The following RFX7 variants were observed in gnomAD, a reference collection of about 807,000 sequenced individuals.
The protein encoded by RFX7 is DNA-binding protein RFX7.
In RFX7, 26 loss-of-function variants were observed where a neutral mutation model predicts 111.8. The ratio of observed to expected loss-of-function variants is 0.23; its 90% CI spans 0.17 to 0.32. The LOEUF (loss-of-function observed/expected upper bound fraction) is 0.32. Ranked by LOEUF, RFX7 falls within the 10% of genes least tolerant of loss-of-function variation. The pLI, the probability that RFX7 is intolerant of heterozygous loss-of-function variation, is 1.00. For missense variants in RFX7, 1,573 were observed against 1,772.9 expected, an observed-to-expected ratio of 0.89 and a Z score of 2.02; for synonymous variants, 624 against 624.4, an observed-to-expected ratio of 1.00 and a Z score of 0.01.
upstream of RFX7, among the ~76,000 whole-genome samples, chr15:56,244,801 C>G (rs1462054665): frequency 6.6e-6 from 1 of 151,888 alleles, no homozygotes; most frequent in Non-Finnish European, 1.5e-5. Context: ...CGCCCTCCCC[C>G]CGCAGACTCC....
At chr15:56,134,701 G>A (rs2042270778) in intron 5 of RFX7, among the ~76,000 whole-genome samples, 1 of 147,646 alleles carries the variant, frequency 6.8e-6, no homozygotes, top group South Asian at 2.1e-4. Context: ...CATGTGCCAT[G>A]CTGGTGCACT....
At chr15:56,111,053 A>T in intron 5 of RFX7, among the ~76,000 whole-genome samples, 1 of 88,282 alleles carries the variant, frequency 1.1e-5, no homozygotes, top group Admixed American at 1.1e-4. Flanking sequence ...CCGGCCAGCC[A>T]CCCTGTCCGG....
chr15:56,216,420 G>A (rs999888709), intron 2 of RFX7, among the ~76,000 whole-genome samples: 2 of 152,102 alleles, frequency 1.3e-5, no homozygotes, highest in African/African-American at 4.8e-5. Flanking sequence ...TTGGCATCAA[G>A]TTGCTTATAA....
chr15:56,181,549 T>C (rs939693324), intron 2 of RFX7, among the ~76,000 whole-genome samples: 14 of 152,028 alleles, frequency 9.2e-5, no homozygotes, highest in Non-Finnish European at 1.8e-4. Flanking sequence ...AGGAGTTCAA[T>C]AAAATCTGTT....
intron 3 of RFX7, among the ~76,000 whole-genome samples, chr15:56,147,667 G>C (rs557539237): frequency 2.0e-5 from 3 of 151,906 alleles, no homozygotes; most frequent in Middle Eastern, 3.4e-3. Flanking sequence ...TCCGCCCCCC[G>C]GGTTCACACC....
At chr15:56,202,815 A>G (rs1272278046) in intron 2 of RFX7, among the ~76,000 whole-genome samples, 1 of 152,198 alleles carries the variant, frequency 6.6e-6, no homozygotes, top group Non-Finnish European at 1.5e-5. Flanking sequence ...TTGTCTCTAA[A>G]AAAGAAAAAG....
intron 5 of RFX7, among the ~76,000 whole-genome samples, chr15:56,106,300 T>C (rs1337839627): frequency 4.6e-5 from 7 of 152,200 alleles, no homozygotes; most frequent in Admixed American, 6.5e-5. Context: ...AACAACCTCA[T>C]TGTCGAATAC....
At chr15:56,178,192 C>T (rs1353241968) in intron 3 of RFX7, among the ~76,000 whole-genome samples, 4 of 145,186 alleles carry the variant, frequency 2.8e-5, no homozygotes, top group Non-Finnish European at 6.0e-5. Flanking sequence ...CACACACACA[C>T]ACACACACAC....
In RFX7 at chr15:56,238,995, G is replaced by C. The variant is rs897034535; in HGVS notation, c.161+4130C>G. 6.6e-5 allele frequency among the ~76,000 whole-genome samples: 10 copies of C among 151,860 alleles called. No individual in the cohort carries two copies. The East Asian group carries it at 1.4e-3, about 21-fold the overall frequency. On this transcript the variant is annotated intron_variant, in intron 2 of 9. Coordinates refer to ENST00000559447, the MANE Select transcript of RFX7 (RefSeq NM_022841.7). ...ACTACAGGCGCACGATGCCACACCT[G>C]GATAATTTTTTGGATTTCAGTAGAG...
intron 2 of RFX7, among the ~76,000 whole-genome samples, chr15:56,182,472 G>C (rs1454167765): frequency 6.6e-6 from 1 of 152,018 alleles, no homozygotes; most frequent in East Asian, 1.9e-4. Context: ...CCTTCTCAAA[G>C]GCAACTATCA....
intron 2 of RFX7, among the ~76,000 whole-genome samples, chr15:56,200,947 T>C (rs1450207369): frequency 2.0e-5 from 3 of 151,860 alleles, no homozygotes; most frequent in Non-Finnish European, 4.4e-5. Flanking sequence ...TTTTTTTAAC[T>C]GAAAAGCATT....
intron 5 of RFX7, among the ~76,000 whole-genome samples, chr15:56,120,737 CTTT>C (rs1380281529): frequency 2.6e-4 from 40 of 151,952 alleles, no homozygotes; most frequent in African/African-American, 9.7e-4. Context: ...TCATTTCTTG[CTTT>C]TTATTTTTCT....
chr15:56,096,364 C>T lies in RFX7; in HGVS notation c.1364G>A (p.Ser455Asn), dbSNP rs775011522. ...GGGTACAACAGCAGTTTTGATGGGA[C>T]TACTAGTAAAGAGGACAGTAGTTGG... ...RSPTTVLFTS[S>N]PIKTAVVPAS... Residue 455 changes from serine to asparagine, a missense_variant, in exon 10 of 10, where the codon AGT (serine) becomes AAT (asparagine). Ser to Asn is a conservative substitution (Grantham distance 46). This residue lies in a region of RFX7 where 288 missense variants were observed against 337.9 expected (regional missense o/e 0.85). Transcript: ENST00000559447. 6.2e-7 allele frequency: 1 copy of T among 1,613,912 alleles called. No homozygotes were observed. Among genetic ancestry groups the T allele is most frequent in the Non-Finnish European group, 8.5e-7 (1 of 1,179,876 alleles).
At chr15:56,102,921 C>G (rs1457607381) in intron 6 of RFX7, among the ~76,000 whole-genome samples, 1 of 151,940 alleles carries the variant, frequency 6.6e-6, no homozygotes, top group African/African-American at 2.4e-5. Flanking sequence ...ATACAGAGAC[C>G]CTCTATTTTA....
At chr15:56,124,833 A>G (rs4774846) in intron 5 of RFX7, among the ~76,000 whole-genome samples, 1 of 152,220 alleles carries the variant, frequency 6.6e-6, no homozygotes, top group African/African-American at 2.4e-5. Context: ...ATTGATTGTT[A>G]TCTTTGCTGT....
At chr15:56,148,186 C>T (rs77742131) in intron 3 of RFX7, among the ~76,000 whole-genome samples, 11 of 152,308 alleles carry the variant, frequency 7.2e-5, no homozygotes, top group African/African-American at 2.2e-4. Flanking sequence ...AATCTTTGAA[C>T]TCAAGTTTGA....
intron 2 of RFX7, among the ~76,000 whole-genome samples, chr15:56,190,940 A>G (rs1373625708): frequency 2.6e-5 from 4 of 152,256 alleles, no homozygotes; most frequent in Non-Finnish European, 5.9e-5. Flanking sequence ...TACTATATAC[A>G]TATATTTTTA....
At chr15:56,233,933 C>T (rs1464706994) in intron 2 of RFX7, among the ~76,000 whole-genome samples, 2 of 152,180 alleles carry the variant, frequency 1.3e-5, no homozygotes, top group Non-Finnish European at 2.9e-5. Context: ...AGCAAATTTT[C>T]TCCCAAGCCA....
At chr15:56,190,214 T>C (rs1447195877) in intron 2 of RFX7, among the ~76,000 whole-genome samples, 1 of 152,228 alleles carries the variant, frequency 6.6e-6, no homozygotes, top group Admixed American at 6.5e-5. Flanking sequence ...GGAAGGATCA[T>C]GTACAGACAA....
Sources: gnomAD v4.1 joint callset for allele counts (sites outside exome capture counted in the v4.1 genomes callset) on GRCh38, gnomAD v4.1.1 for gene constraint, gnomAD v4.1.1 regional missense constraint, MANE v1.5 for transcripts, NCBI Gene and HGNC (gene_info 2026-07-23, HGNC 2026-07-21) for gene names.